Variants in PPARGC1A observed in about 807,000 individuals in gnomAD.
PPARGC1A encodes the protein PPARG coactivator 1 alpha, also known as peroxisome proliferator-activated receptor gamma coactivator 1-alpha.
A neutral mutation model predicts 88.7 loss-of-function variants in PPARGC1A; 25 were observed. The ratio of observed to expected loss-of-function variants is 0.28; its 90% CI spans 0.21 to 0.39. The LOEUF (loss-of-function observed/expected upper bound fraction) is 0.39, where lower values mean the gene tolerates loss of function less well. Ranked by LOEUF, PPARGC1A falls within the 10% of genes least tolerant of loss-of-function variation. PPARGC1A has a pLI of 1.00. For missense variants in PPARGC1A, 880 were observed against 968.7 expected (o/e 0.91, Z 1.22); for synonymous variants, 363 against 355.6 (o/e 1.02, Z -0.24).
At chr4:24,329,313 A>T in the PPARGC1A span, among the ~76,000 whole-genome samples, 1 of 151,936 alleles carries the variant, frequency 6.6e-6, no homozygotes, top group Non-Finnish European at 1.5e-5. Flanking sequence ...GAACTCTTCA[A>T]ATACCACCAT....
At chr4:23,840,222 A>G (rs1322488612) in intron 2 of PPARGC1A, among the ~76,000 whole-genome samples, 1 of 151,906 alleles carries the variant, frequency 6.6e-6, no homozygotes, top group African/African-American at 2.4e-5. Flanking sequence ...CTTTTTTGAG[A>G]GGGAGAGCGG....
At chr4:24,309,822 G>A in the PPARGC1A span, among the ~76,000 whole-genome samples, 5 of 152,194 alleles carry the variant, frequency 3.3e-5, no homozygotes, top group African/African-American at 1.2e-4. Flanking sequence ...TGGGATAAAC[G>A]CAAGGAAGAC....
the PPARGC1A span, among the ~76,000 whole-genome samples, chr4:23,977,028 G>T: frequency 6.6e-6 from 1 of 151,456 alleles, no homozygotes; most frequent in Non-Finnish European, 1.5e-5. Flanking sequence ...AGGAGGAAAA[G>T]GAGAACAAGA....
At chr4:23,965,491 T>G in the PPARGC1A span, among the ~76,000 whole-genome samples, 1 of 152,206 alleles carries the variant, frequency 6.6e-6, no homozygotes, top group Admixed American at 6.5e-5. Flanking sequence ...TCACCCTTAT[T>G]CATTGTGCCT....
the PPARGC1A span, among the ~76,000 whole-genome samples, chr4:24,176,636 A>G: frequency 6.6e-6 from 1 of 152,186 alleles, no homozygotes; most frequent in Admixed American, 6.5e-5. Flanking sequence ...GACATGGGAC[A>G]TGGGGAAGAG....
chr4:24,343,901 C>T, the PPARGC1A span, among the ~76,000 whole-genome samples: 8 of 149,980 alleles, frequency 5.3e-5, no homozygotes, highest in Non-Finnish European at 8.9e-5. Flanking sequence ...CCCTCCCACT[C>T]TTCCCCCCAA....
At chr4:24,191,136 T>A in the PPARGC1A span, among the ~76,000 whole-genome samples, 1 of 152,202 alleles carries the variant, frequency 6.6e-6, no homozygotes, top group Non-Finnish European at 1.5e-5. Context: ...ATGAAAAAGT[T>A]ATATGATCCC....
At chr4:23,856,955 A>T (rs74461479) in intron 2 of PPARGC1A, among the ~76,000 whole-genome samples, 6,062 of 152,240 alleles carry the variant, frequency 0.04, 378 homozygotes, top group African/African-American at 0.14. Flanking sequence ...AGGTATTGGA[A>T]TGTCAACAAA....
At chr4:24,283,471 T>G in the PPARGC1A span, among the ~76,000 whole-genome samples, 1 of 152,230 alleles carries the variant, frequency 6.6e-6, no homozygotes, top group Non-Finnish European at 1.5e-5. Context: ...GGAAACGGCT[T>G]CATTTACATT....
chr4:24,278,550 T>A, the PPARGC1A span, among the ~76,000 whole-genome samples: 1 of 152,086 alleles, frequency 6.6e-6, no homozygotes, highest in Non-Finnish European at 1.5e-5. Context: ...GTGGACAAAT[T>A]TTTTTTGCAA....
the PPARGC1A span, among the ~76,000 whole-genome samples, chr4:24,252,692 C>G: frequency 2.6e-5 from 4 of 152,312 alleles, no homozygotes; most frequent in South Asian, 4.1e-4. Context: ...ATCTCCACCC[C>G]CTGTGATGGC....
chr4:24,020,877 C>A, the PPARGC1A span, among the ~76,000 whole-genome samples: 1 of 152,188 alleles, frequency 6.6e-6, no homozygotes, highest in Non-Finnish European at 1.5e-5. Context: ...TCTCTTCATT[C>A]TGTCAAGAAT....
chr4:24,390,681 A>C, the PPARGC1A span, among the ~76,000 whole-genome samples: 4 of 151,944 alleles, frequency 2.6e-5, no homozygotes, highest in Admixed American at 6.6e-5. Flanking sequence ...TTTCATTTTT[A>C]TATTCAATAT....
chr4:24,311,229 A>G, the PPARGC1A span, among the ~76,000 whole-genome samples: 1 of 146,994 alleles, frequency 6.8e-6, no homozygotes, highest in African/African-American at 2.5e-5. Flanking sequence ...CCTCCAGAGT[A>G]GCTGGGACTA....
the PPARGC1A span, among the ~76,000 whole-genome samples, chr4:23,994,059 A>G: frequency 6.6e-6 from 1 of 152,192 alleles, no homozygotes; most frequent in Non-Finnish European, 1.5e-5. Flanking sequence ...TGGAAATAAA[A>G]TGTCCCAGCC....
chr4:24,441,217 C>T, the PPARGC1A span, among the ~76,000 whole-genome samples: 1 of 152,198 alleles, frequency 6.6e-6, no homozygotes, highest in Non-Finnish European at 1.5e-5. Context: ...TGCTGCCTGG[C>T]TCCTGTAGTC....
At chr4:24,380,949 T>C in the PPARGC1A span, among the ~76,000 whole-genome samples, 2 of 151,074 alleles carry the variant, frequency 1.3e-5, no homozygotes, top group African/African-American at 4.9e-5. Flanking sequence ...AAGAAGAGAT[T>C]TGAAAACACT....
chr4:24,401,638 A>G, the PPARGC1A span, among the ~76,000 whole-genome samples: 3 of 152,148 alleles, frequency 2.0e-5, no homozygotes, highest in African/African-American at 7.2e-5. Context: ...TTTAAGATAA[A>G]TTCTTAATAT....
At chr4:23,884,723 A>T in intron 2 of PPARGC1A, 29 bp downstream of exon 2, 1 of 1,589,906 alleles carries the variant, frequency 6.3e-7, no homozygotes, top group Non-Finnish European at 8.6e-7. Context: ...ACTCAATGAA[A>T]AATTAATGTT....
Sources: allele counts gnomAD v4.1 joint callset (sites outside exome capture counted in the v4.1 genomes callset), GRCh38; gene constraint gnomAD v4.1.1; transcripts MANE v1.5; gene names NCBI Gene and HGNC (gene_info 2026-07-23, HGNC 2026-07-21).